The following CPNE8 variants were observed in gnomAD, a reference collection of about 807,000 sequenced individuals.
CPNE8 encodes the protein copine 8, also known as copine-8.
A neutral mutation model predicts 81.5 loss-of-function variants in CPNE8; 45 were observed. The observed-to-expected ratio is 0.55, with a 90% CI of 0.44 to 0.71. The LOEUF (loss-of-function observed/expected upper bound fraction) is 0.71, where lower values mean the gene tolerates loss of function less well. Ranked by LOEUF, CPNE8 falls within the 30% of genes least tolerant of loss-of-function variation. The pLI is 0.00. For synonymous variants in CPNE8, 252 were observed against 226.3 expected, an observed-to-expected ratio of 1.11 and a Z score of -1.02; for missense variants, 594 against 672.1, an observed-to-expected ratio of 0.88 and a Z score of 1.28.
chr12:38,810,870 A>G (rs760460769), intron 6 of CPNE8, among the ~76,000 whole-genome samples: 2 of 152,144 alleles, frequency 1.3e-5, no homozygotes, highest in South Asian at 2.1e-4. Context: ...GGCTCCCTAC[A>G]TCTTCCAGCC....
At chr12:38,836,979 C>T (rs940790315) in intron 5 of CPNE8, among the ~76,000 whole-genome samples, 1 of 152,068 alleles carries the variant, frequency 6.6e-6, no homozygotes, top group Admixed American at 6.6e-5. Flanking sequence ...TACTTATAAG[C>T]TCAGGCACTT....
intron 6 of CPNE8, among the ~76,000 whole-genome samples, chr12:38,777,871 C>T (rs754212062): frequency 2.0e-5 from 3 of 152,162 alleles, no homozygotes; most frequent in Non-Finnish European, 2.9e-5. Flanking sequence ...CCATCGCTGG[C>T]ATTACTACCT....
chr12:38,899,382 GA>G (rs1469168904), intron 1 of CPNE8, among the ~76,000 whole-genome samples: 1 of 151,852 alleles, frequency 6.6e-6, no homozygotes, highest in East Asian at 1.9e-4. Flanking sequence ...CCTGTAACCT[GA>G]AAAAAAAGCT....
At chr12:38,836,522 A>C (rs751846293) in intron 5 of CPNE8, among the ~76,000 whole-genome samples, 1 of 152,062 alleles carries the variant, frequency 6.6e-6, no homozygotes, top group Non-Finnish European at 1.5e-5. Context: ...TTCTTTCAAA[A>C]TTATCGGAAA....
intron 10 of CPNE8, among the ~76,000 whole-genome samples, chr12:38,743,579 G>T (rs1169082776): frequency 6.6e-6 from 1 of 151,942 alleles, no homozygotes; most frequent in African/African-American, 2.4e-5. Flanking sequence ...AAAACTATTT[G>T]AAGGCTTGAT....
At chr12:38,739,315 A>G (rs1160276282) in intron 10 of CPNE8, among the ~76,000 whole-genome samples, 3 of 152,266 alleles carry the variant, frequency 2.0e-5, no homozygotes, top group East Asian at 1.9e-4. Flanking sequence ...CATATGTTAT[A>G]TACTTTTTCA....
At chr12:38,693,406 C>T (rs1341602942) in intron 15 of CPNE8, among the ~76,000 whole-genome samples, 1 of 152,076 alleles carries the variant, frequency 6.6e-6, no homozygotes, top group Admixed American at 6.6e-5. Context: ...GGTTTGTTAG[C>T]AAGCAATAGA....
intron 1 of CPNE8, among the ~76,000 whole-genome samples, chr12:38,879,432 G>GA (rs1174907683): frequency 1.3e-5 from 2 of 151,680 alleles, no homozygotes; most frequent in South Asian, 2.1e-4. Flanking sequence ...CCAAACTAAG[G>GA]AAAAAATCCT....
At chr12:38,661,772 C>A (rs183784300) in intron 19 of CPNE8, among the ~76,000 whole-genome samples, 36 of 151,948 alleles carry the variant, frequency 2.4e-4, no homozygotes, top group Non-Finnish European at 4.4e-5. Context: ...TACTAGCAAA[C>A]CAAATACAAC....
intron 5 of CPNE8, among the ~76,000 whole-genome samples, chr12:38,833,117 C>T (rs1943317631): frequency 6.6e-6 from 1 of 151,854 alleles, no homozygotes; most frequent in Admixed American, 6.6e-5. Flanking sequence ...CTTTGGGAGG[C>T]CGAGGCGGGC....
intron 19 of CPNE8, among the ~76,000 whole-genome samples, chr12:38,668,035 G>A (rs943811573): frequency 6.6e-6 from 1 of 152,136 alleles, no homozygotes; most frequent in South Asian, 2.1e-4. Flanking sequence ...TTGACCTCAG[G>A]TGATCCTCCC....
chr12:38,860,652 C>T (rs1943817539), intron 3 of CPNE8, among the ~76,000 whole-genome samples: 1 of 151,672 alleles, frequency 6.6e-6, no homozygotes, highest in Non-Finnish European at 1.5e-5. Context: ...TACCATGGGA[C>T]ATGATTCAGC....
At chr12:38,696,617 C>A (rs1166826714) in intron 14 of CPNE8, among the ~76,000 whole-genome samples, 5 of 152,102 alleles carry the variant, frequency 3.3e-5, no homozygotes, top group African/African-American at 9.7e-5. Context: ...TTTTGTTATA[C>A]CCAATATTAT....
chr12:38,754,785 T>C (rs1420394538), intron 10 of CPNE8, among the ~76,000 whole-genome samples: 1 of 152,102 alleles, frequency 6.6e-6, no homozygotes, highest in Admixed American at 6.6e-5. Context: ...ATATAGATTA[T>C]GAAATTCCAT....
chr12:38,902,337 AAAG>A (rs1310129667), intron 1 of CPNE8, among the ~76,000 whole-genome samples: 1,007 of 85,298 alleles, frequency 0.012, 66 homozygotes, highest in African/African-American at 0.061. Flanking sequence ...AGAAAGAAAG[AAAG>A]AAAGAAAGAA....
chr12:38,794,967 C>G (rs550787537), intron 6 of CPNE8, among the ~76,000 whole-genome samples: 2 of 152,070 alleles, frequency 1.3e-5, no homozygotes, highest in Admixed American at 6.6e-5. Flanking sequence ...AGTGGGAGAC[C>G]CTTACTTGCT....
At chr12:38,810,549 C>T (rs188490897) in intron 6 of CPNE8, among the ~76,000 whole-genome samples, 109 of 152,250 alleles carry the variant, frequency 7.2e-4, no homozygotes, top group Non-Finnish European at 1.2e-3. Flanking sequence ...TTTTTTCTAA[C>T]ATGTTCTTCA....
chr12:38,676,927 C>A (rs912990163), intron 17 of CPNE8, among the ~76,000 whole-genome samples: 1 of 151,998 alleles, frequency 6.6e-6, no homozygotes, highest in Non-Finnish European at 1.5e-5. Flanking sequence ...ATTGCTAAAC[C>A]TAGAGACTTT....
intron 16 of CPNE8, among the ~76,000 whole-genome samples, chr12:38,682,646 A>G (rs543081188): frequency 6.6e-6 from 1 of 152,336 alleles, no homozygotes; most frequent in Admixed American, 6.5e-5. Context: ...TTTTATATGT[A>G]TATATGTGCA....
Sources: gnomAD v4.1 joint callset for allele counts (sites outside exome capture counted in the v4.1 genomes callset) on GRCh38, gnomAD v4.1.1 for gene constraint, MANE v1.5 for transcripts, NCBI Gene and HGNC (gene_info 2026-07-23, HGNC 2026-07-21) for gene names.